The following PCYT2 variants were observed in gnomAD, a reference collection of about 807,000 sequenced individuals.
PCYT2 encodes the protein ethanolamine-phosphate cytidylyltransferase.
In PCYT2, 33 loss-of-function variants were observed where a neutral mutation model predicts 50.0. The ratio of observed to expected loss-of-function variants is 0.66; its 90% confidence interval spans 0.50 to 0.88. PCYT2 has a LOEUF of 0.88. Among genes scored for constraint, PCYT2 ranks in the 40% least tolerant of loss-of-function variants. The pLI is 0.00. For missense variants in PCYT2, 430 were observed against 519.7 expected (o/e 0.83, Z 1.68); for synonymous variants, 240 against 203.7 (o/e 1.18, Z -1.52).
intron 3 of PCYT2, 59 bp from the exon 4 acceptor site, chr17:81,908,693 GCCCAGGA>G: frequency 6.7e-7 from 1 of 1,485,842 alleles, no homozygotes; most frequent in Non-Finnish European, 9.4e-7. Context: ...AACCTTCAGA[GCCCAGGA>G]CCCTCTCGGC....
chr17:81,902,503 C>T lies in PCYT2; in HGVS notation c.*2330G>A. On this transcript the variant is annotated 3_prime_UTR_variant, in exon 13 of 13. Transcript: ENST00000538936. ...GGCCGGCGCCTCCCCGGAGCTGCAA[C>T]TGCACCCCAGGCTGCGGAGCCTCGT... The T allele has an allele frequency of 7.0e-7, 1 of 1,429,170 alleles. No individual in the cohort carries two copies. The highest frequency in any genetic ancestry group is 9.1e-7 in the Non-Finnish European group (1 of 1,098,674). The allele number at this position is 1,429,170 out of a possible 1,614,324, so 88.5% of individuals were successfully genotyped here. A position where few individuals can be genotyped will look rare whatever the true frequency, so the allele number is the denominator to read the frequency against.
intron 9 of PCYT2, 159 bp downstream of exon 9, chr17:81,905,941 C>T: frequency 1.3e-6 from 1 of 755,256 alleles, no homozygotes; most frequent in South Asian, 1.7e-5. Context: ...CCTCATGCCT[C>T]AACAAACAGG....
At chr17:81,909,643 T>G (rs1598330328) in intron 1 of PCYT2, 41 bp from the exon 2 acceptor site, 1 of 1,498,412 alleles carries the variant, frequency 6.7e-7, no homozygotes, top group Non-Finnish European at 9.3e-7. Context: ...GTGCCAAGGG[T>G]GGGGACCAGG....
Position 81,904,958 on chromosome 17 carries a change from G to GTT in PCYT2, c.1059-15_1059-14insAA, listed in dbSNP as rs774169060. 1.2e-6 allele frequency: 2 copies of GTT among 1,607,228 alleles called. No homozygotes were observed. Among genetic ancestry groups the GTT allele is most frequent in the Non-Finnish European group, 1.7e-6 (2 of 1,175,710 alleles). On this transcript the variant is annotated splice_polypyrimidine_tract_variant and intron_variant, in intron 12 of 12. Transcript: ENST00000538936. Reference sequence around the variant, plus strand: ...TCATACTCCAACCTGAGAGGGCAGGGTAAGTCTAGCAGAGAGCGCCCATGA... The same window carrying GTT: ...TCATACTCCAACCTGAGAGGGCAGGGTTTAAGTCTAGCAGAGAGCGCCCATGA...
intron 6 of PCYT2, chr17:81,907,198 G>C (rs778424850): frequency 1.3e-6 from 2 of 1,530,020 alleles, no homozygotes; most frequent in South Asian, 2.4e-5. Flanking sequence ...ACCACTGTCT[G>C]GTCACCTGGG....
intron 8 of PCYT2, 58 bp downstream of exon 8, chr17:81,906,406 A>C (rs2040268209): frequency 6.6e-7 from 1 of 1,511,210 alleles, no homozygotes. Context: ...AGCAACGCTT[A>C]GGGCCCCTCG....
At chr17:81,909,645 G>A in intron 1 of PCYT2, 43 bp from the exon 2 acceptor site, 1 of 1,485,190 alleles carries the variant, frequency 6.7e-7, no homozygotes, top group Non-Finnish European at 9.4e-7. Context: ...GCCAAGGGTG[G>A]GGACCAGGTG....
At position 81,902,764 on chromosome 17, in the gene PCYT2, G is replaced by A. The variant is rs1300359888; in HGVS notation, c.*2069C>T. 2.5e-6 allele frequency: 4 copies of A among 1,593,804 alleles called. No homozygotes were observed. The highest frequency in any genetic ancestry group is 3.4e-6 in the Non-Finnish European group (4 of 1,172,412). ...CGCCGCCTGAGCCCGGACCTCTCCT[G>A]GCACCGCTGGGGGCCCCCCGCCCCC... On this transcript the variant is annotated 3_prime_UTR_variant, in exon 13 of 13. Coordinates refer to ENST00000538936, the MANE Select transcript of PCYT2 (RefSeq NM_002861.5).
Position 81,902,666 on chromosome 17 carries a change from G to C in PCYT2, c.*2167C>G, listed in dbSNP as rs200237562. The C allele has an allele frequency of 1.2e-6, 2 of 1,607,408 alleles. No individual in the cohort carries two copies. Among genetic ancestry groups the C allele is most frequent in the Non-Finnish European group, 1.7e-6 (2 of 1,178,474 alleles). ...GCCCCAAACCTGCAGAGGTGCGAGCGGCTCCCCGACGGCCGCGGGACCTAC... is the reference window on the plus strand; with the variant it reads ...GCCCCAAACCTGCAGAGGTGCGAGCCGCTCCCCGACGGCCGCGGGACCTAC... On this transcript the variant is annotated 3_prime_UTR_variant, in exon 13 of 13. Coordinates refer to ENST00000538936, the MANE Select transcript of PCYT2 (RefSeq NM_002861.5).
rs2040017955 is a variant in PCYT2, at chr17:81,902,885, A to ACC, written c.*1947_*1948insGG. 1.3e-6 allele frequency: 1 copy of ACC among 742,996 alleles called. No individual in the cohort carries two copies. Among genetic ancestry groups the ACC allele is most frequent in the Non-Finnish European group, 2.0e-6 (1 of 489,362 alleles). The allele number at this position is 742,996 out of a possible 1,614,324, so 46.0% of individuals were successfully genotyped here. On this transcript the variant is annotated 3_prime_UTR_variant, in exon 13 of 13. Transcript: ENST00000538936. ...CCCCGCAGTTAATGGCAAACGAATA[A>ACC]ATAAATGAGGCGGCCTCGGAGTGAG...
intron 7 of PCYT2, 101 bp from the exon 8 acceptor site, chr17:81,906,647 T>A: frequency 6.4e-7 from 1 of 1,573,522 alleles, no homozygotes. Context: ...TGCTGACAGC[T>A]GCTCCCCTGC....
At chr17:81,906,928 G>T in intron 6 of PCYT2, 30 bp from the exon 7 acceptor site, 1 of 1,605,934 alleles carries the variant, frequency 6.2e-7, no homozygotes, top group South Asian at 1.1e-5. Context: ...GCAGGTTGGC[G>T]GGGGAGGCCT....
In PCYT2 at chr17:81,902,527, G is replaced by T; in HGVS notation, c.*2306C>A. The T allele has an allele frequency of 1.4e-6, 2 of 1,457,468 alleles. No individual in the cohort carries two copies. Among genetic ancestry groups the T allele is most frequent in the Non-Finnish European group, 1.8e-6 (2 of 1,111,946 alleles). The allele number at this position is 1,457,468 out of a possible 1,614,324, so 90.3% of individuals were successfully genotyped here. A position where few individuals can be genotyped will look rare whatever the true frequency, so the allele number is the denominator to read the frequency against. On this transcript the variant is annotated 3_prime_UTR_variant, in exon 13 of 13. Transcript: ENST00000538936. ...ACTGCACCCCAGGCTGCGGAGCCTC[G>T]TGAGTCCGGCGTGCCGGGGACTGAT... is the stretch of plus-strand genomic sequence containing the variant.
intron 2 of PCYT2, 115 bp downstream of exon 2, chr17:81,909,399 C>T: frequency 6.9e-7 from 1 of 1,448,984 alleles, no homozygotes; most frequent in Non-Finnish European, 9.4e-7. Context: ...CTACAGTGCC[C>T]TCCCCTACAG....
Position 81,904,639 on chromosome 17 carries a change from C to G in PCYT2, c.*194G>C, listed in dbSNP as rs1428078043. On this transcript the variant is annotated 3_prime_UTR_variant, in exon 13 of 13. Transcript: ENST00000538936. ...CTCTCCACTGTGCTGGACACCCTCT[C>G]TGAGCAGCTTTGCTGGAAAGAGCGG... 2.9e-5 allele frequency: 17 copies of G among 581,814 alleles called. No individual in the cohort carries two copies. Among genetic ancestry groups the G allele is most frequent in the Middle Eastern group, 4.4e-4 (1 of 2,296 alleles). The allele number at this position is 581,814 out of a possible 1,614,324, so 36.0% of individuals were successfully genotyped here.
intron 7 of PCYT2, 68 bp from the exon 8 acceptor site, chr17:81,906,614 A>G (rs2040285039): frequency 6.4e-7 from 1 of 1,574,002 alleles, no homozygotes; most frequent in East Asian, 2.2e-5. Context: ...GCTCATGCCC[A>G]AGGGCCTCCC....
chr17:81,905,701 G>A lies in PCYT2; in HGVS notation c.872C>T (p.Ala291Val), dbSNP rs368224824. Residue 291 changes from alanine to valine, a missense_variant, in exon 10 of 13, where the codon GCG (alanine) becomes GTG (valine). Transcript: ENST00000538936. ...GTGACTTAGGAGCTCTGCTGTGACC[G>A]CGTACGGGGCTCCAATCACCACTTC... Reference protein sequence around the residue: ...VSEVVIGAPYAVTAELLSHFK... With the variant: ...VSEVVIGAPYVVTAELLSHFK... 9.5e-5 allele frequency: 154 copies of A among 1,613,478 alleles called. No homozygotes were observed. Among genetic ancestry groups the A allele is most frequent in the Non-Finnish European group, 1.2e-4 (147 of 1,179,944 alleles).
chr17:81,909,556 G>A lies in PCYT2; in HGVS notation c.136C>T (p.Arg46Trp), dbSNP rs770777368. The A allele has an allele frequency of 8.4e-5, 135 of 1,613,622 alleles. No individual in the cohort carries two copies. Among genetic ancestry groups the A allele is most frequent in the Non-Finnish European group, 1.1e-4 (125 of 1,179,822 alleles). ...YGHSNQLRQA[R>W]AMGDYLIVGV... ...ACGATGAGGTAGTCACCCATGGCCC[G>A]TGCCTGGCGCAGCTGGTTGGAGTGG... The change falls in exon 2 of 13, where the codon CGG becomes TGG. Residue 46 changes from arginine to tryptophan, a missense_variant. By Grantham distance (101) the Arg-to-Trp change is moderately radical. Coordinates refer to ENST00000538936, the MANE Select transcript of PCYT2 (RefSeq NM_002861.5).
Position 81,904,763 on chromosome 17 carries a change from G to C in PCYT2, c.*70C>G. ...GCCAGTTAGAGAGGGCGGCCCTGCA[G>C]AGTCCTATGTCCAAACGCAGAAGGC... On this transcript the variant is annotated 3_prime_UTR_variant, in exon 13 of 13. Transcript: ENST00000538936. 2 of 1,042,716 alleles carry C rather than the reference G, an allele frequency of 1.9e-6. No homozygotes were observed. Among genetic ancestry groups the C allele is most frequent in the East Asian group, 5.0e-5 (2 of 39,764 alleles). 64.6% of individuals were successfully genotyped at this position (1,042,716 alleles called of 1,614,324 possible). A position where few individuals can be genotyped will look rare whatever the true frequency, so the allele number is the denominator to read the frequency against.
Sources: gnomAD v4.1 joint callset for allele counts on GRCh38, gnomAD v4.1.1 for gene constraint, MANE v1.5 for transcripts, NCBI Gene and HGNC (gene_info 2026-07-23, HGNC 2026-07-21) for gene names.